Variants in KIF16B observed in about 807,000 individuals in gnomAD.
KIF16B encodes the protein kinesin-like protein KIF16B.
KIF16B carries 98 observed loss-of-function variants against 156.3 expected under a neutral mutation model. That is an observed-to-expected ratio of 0.63 (90% CI 0.53 to 0.74). The LOEUF (loss-of-function observed/expected upper bound fraction) is 0.74, where lower values mean the gene tolerates loss of function less well. Ranked by LOEUF, KIF16B falls within the 30% of genes least tolerant of loss-of-function variation. KIF16B has a pLI of 0.00. For missense variants in KIF16B, 1,421 were observed against 1,606.5 expected (o/e 0.88, Z 1.97); for synonymous variants, 564 against 583.7 (o/e 0.97, Z 0.49).
chr20:16,345,062 C>T (rs907936998), intron 23 of KIF16B, among the ~76,000 whole-genome samples: 2 of 152,140 alleles, frequency 1.3e-5, no homozygotes, highest in African/African-American at 4.8e-5. Context: ...CTTTGTTGTT[C>T]CCATTGCCCA....
At chr20:16,365,980 A>T (rs1334961210) in intron 22 of KIF16B, among the ~76,000 whole-genome samples, 2 of 152,144 alleles carry the variant, frequency 1.3e-5, no homozygotes, top group Non-Finnish European at 2.9e-5. Flanking sequence ...AGGAGAACAC[A>T]CACCTGAGAG....
At chr20:16,426,022 G>C (rs1176783201) in intron 15 of KIF16B, among the ~76,000 whole-genome samples, 1 of 152,036 alleles carries the variant, frequency 6.6e-6, no homozygotes, top group African/African-American at 2.4e-5. Context: ...TAAATCATCA[G>C]CTCTCACAAG....
intron 12 of KIF16B, among the ~76,000 whole-genome samples, chr20:16,479,069 T>C (rs1242576957): frequency 2.0e-5 from 3 of 152,192 alleles, no homozygotes; most frequent in Admixed American, 1.3e-4. Context: ...TAAACTATGG[T>C]ATAGCCACAT....
At chr20:16,351,819 C>T (rs1213440855) in intron 23 of KIF16B, among the ~76,000 whole-genome samples, 2 of 152,090 alleles carry the variant, frequency 1.3e-5, no homozygotes, top group African/African-American at 4.8e-5. Context: ...GGGAGAGGGG[C>T]GACACCAAAA....
intron 1 of KIF16B, among the ~76,000 whole-genome samples, chr20:16,544,622 A>C (rs1348759543): frequency 2.6e-5 from 4 of 151,104 alleles, no homozygotes; most frequent in Admixed American, 6.6e-5. Flanking sequence ...AAAAAAAAAA[A>C]AAAAAAAAAC....
intron 25 of KIF16B, among the ~76,000 whole-genome samples, chr20:16,280,519 G>A (rs1345952501): frequency 6.6e-6 from 1 of 152,140 alleles, no homozygotes; most frequent in South Asian, 2.1e-4. Flanking sequence ...CAGGTACTTC[G>A]TACAAAGTTT....
intron 23 of KIF16B, among the ~76,000 whole-genome samples, chr20:16,347,541 T>C (rs1412753881): frequency 2.0e-5 from 3 of 152,202 alleles, no homozygotes; most frequent in African/African-American, 7.2e-5. Context: ...AAAAGATCAG[T>C]TGGTTTGTGT....
intron 15 of KIF16B, among the ~76,000 whole-genome samples, chr20:16,410,908 T>C (rs1214589581): frequency 6.6e-6 from 1 of 152,050 alleles, no homozygotes; most frequent in Non-Finnish European, 1.5e-5. Flanking sequence ...TTAGTTCCTG[T>C]AGGGGCTGCC....
intron 25 of KIF16B, among the ~76,000 whole-genome samples, chr20:16,309,551 T>C (rs2063589276): frequency 6.6e-6 from 1 of 152,240 alleles, no homozygotes; most frequent in South Asian, 2.1e-4. Flanking sequence ...AGTGCCAAAA[T>C]GGTGTTTATG....
intron 12 of KIF16B, among the ~76,000 whole-genome samples, chr20:16,482,501 C>T (rs2068008600): frequency 6.6e-6 from 1 of 152,002 alleles, no homozygotes; most frequent in Non-Finnish European, 1.5e-5. Context: ...CTGAAGAGAA[C>T]ACACCCGCAT....
chr20:16,277,944 T>A (rs1286802727), intron 25 of KIF16B, among the ~76,000 whole-genome samples: 1 of 152,068 alleles, frequency 6.6e-6, no homozygotes, highest in African/African-American at 2.4e-5. Flanking sequence ...CACACCTGAG[T>A]CTTTGCTTTG....
At chr20:16,422,078 T>C (rs1284142052) in intron 15 of KIF16B, among the ~76,000 whole-genome samples, 1 of 152,070 alleles carries the variant, frequency 6.6e-6, no homozygotes, top group Non-Finnish European at 1.5e-5. Context: ...TAGGTAAAAG[T>C]TTAAGATCAA....
At chr20:16,511,827 T>C (rs1393553491) in intron 5 of KIF16B, among the ~76,000 whole-genome samples, 12 of 152,160 alleles carry the variant, frequency 7.9e-5, no homozygotes, top group Admixed American at 7.9e-4. Context: ...GTTGTTTCAC[T>C]TAAAGTCACG....
At chr20:16,333,371 C>T (rs953250282) in intron 24 of KIF16B, among the ~76,000 whole-genome samples, 8 of 152,182 alleles carry the variant, frequency 5.3e-5, no homozygotes, top group Non-Finnish European at 1.0e-4. Context: ...GTTTTATTCA[C>T]TTTACACAAG....
intron 25 of KIF16B, among the ~76,000 whole-genome samples, chr20:16,285,190 C>CAGTTCT (rs1420317861): frequency 1.3e-5 from 2 of 151,946 alleles, no homozygotes; most frequent in African/African-American, 4.8e-5. Context: ...CTGGATAGCA[C>CAGTTCT]AGTTCTACAC....
intron 2 of KIF16B, among the ~76,000 whole-genome samples, chr20:16,527,890 C>G (rs1028426811): frequency 6.6e-6 from 1 of 151,992 alleles, no homozygotes; most frequent in Non-Finnish European, 1.5e-5. Flanking sequence ...TTTTTTTTAA[C>G]TTTTTTTCCA....
At chr20:16,447,743 A>G (rs1480054290) in intron 12 of KIF16B, among the ~76,000 whole-genome samples, 1 of 152,204 alleles carries the variant, frequency 6.6e-6, no homozygotes, top group Non-Finnish European at 1.5e-5. Flanking sequence ...AATGTAAACT[A>G]AATTCAATAT....
chr20:16,440,813 T>A (rs1454969176), intron 12 of KIF16B, among the ~76,000 whole-genome samples: 2 of 152,136 alleles, frequency 1.3e-5, no homozygotes, highest in East Asian at 1.9e-4. Context: ...GAAACATCGA[T>A]CTTTATTTAA....
intron 19 of KIF16B, among the ~76,000 whole-genome samples, chr20:16,376,726 T>TTGTACTGTATATTGTAA (rs2064961084): frequency 6.6e-6 from 1 of 152,224 alleles, no homozygotes; most frequent in African/African-American, 2.4e-5. Context: ...TTATACAGTA[T>TTGTACTGTATATTGTAA]TAATACTAAA....
Sources: gnomAD v4.1 joint callset for allele counts (sites outside exome capture counted in the v4.1 genomes callset) on GRCh38, gnomAD v4.1.1 for gene constraint, MANE v1.5 for transcripts, NCBI Gene and HGNC (gene_info 2026-07-23, HGNC 2026-07-21) for gene names.